The following PRMT1 variants were observed in gnomAD, a reference collection of about 807,000 sequenced individuals.
The protein encoded by PRMT1 is protein arginine N-methyltransferase 1.
Under a neutral mutation model 47.4 loss-of-function variants are expected in PRMT1, and 5 were observed. The ratio of observed to expected loss-of-function variants is 0.11; its 90% CI spans 0.06 to 0.22. The LOEUF (loss-of-function observed/expected upper bound fraction) is 0.22, where lower values mean the gene tolerates loss of function less well. Among genes scored for constraint, PRMT1 ranks in the 10% least tolerant of loss-of-function variants. PRMT1 has a pLI of 1.00. For synonymous variants in PRMT1, 227 were observed against 204.6 expected, an observed-to-expected ratio of 1.11 and a Z score of -0.94; for missense variants, 249 against 518.4, an observed-to-expected ratio of 0.48 and a Z score of 5.05.
Position 49,684,109 on chromosome 19 carries a change from G to A in PRMT1, c.555+40G>A, listed in dbSNP as rs757797578. 70 of 1,610,478 alleles carry A rather than the reference G, an allele frequency of 4.3e-5. No homozygotes were observed. Among genetic ancestry groups the A allele is most frequent in the Non-Finnish European group, 5.7e-5 (67 of 1,177,498 alleles). On this transcript the variant is annotated intron_variant, in intron 6 of 10. Coordinates refer to ENST00000454376, the MANE Select transcript of PRMT1 (RefSeq NM_001536.6). This position sits in a 1 kb window ranked among gnomAD's most constrained non-coding sequence, Gnocchi z 6.2. Reference sequence around the variant, plus strand: ...GGACGGGTGCAGCTCGCGTGGGCTGGGGTCCAGGTAGAAGACGAAAACCAC... The same window carrying A: ...GGACGGGTGCAGCTCGCGTGGGCTGAGGTCCAGGTAGAAGACGAAAACCAC...
In PRMT1 at chr19:49,684,627, G is replaced by A. The variant is rs1344077200; in HGVS notation, c.556-127G>A. 11 of 1,098,682 alleles carry A rather than the reference G, an allele frequency of 1.0e-5. No individual in the cohort carries two copies. Among genetic ancestry groups the A allele is most frequent in the Non-Finnish European group, 1.4e-5 (11 of 759,820 alleles). The allele number at this position is 1,098,682 out of a possible 1,614,324, so 68.1% of individuals were successfully genotyped here. On this transcript the variant is annotated intron_variant, in intron 6 of 10. Transcript: ENST00000454376. The surrounding 1 kb of genome is among the most constrained non-coding windows in gnomAD (Gnocchi z 6.2). ...GGCCGTGTGGGAAATAGACCAGGGG[G>A]CGAGGGGTGAGTGCCGCTGCGACAT...
chr19:49,676,562 C>A (rs748880749), upstream of PRMT1: 9 of 152,252 alleles, frequency 5.9e-5, no homozygotes, highest in African/African-American at 1.7e-4. Context: ...TGACGACGGA[C>A]TCCTATTCCT....
chr19:49,685,334 C>A lies in PRMT1; in HGVS notation c.759+297C>A, dbSNP rs184272317. On this transcript the variant is annotated intron_variant, in intron 8 of 10. Transcript: ENST00000454376. This position sits in a 1 kb window ranked among gnomAD's most constrained non-coding sequence, Gnocchi z 4.7. ...AAAGGCAGGACCCCAGGGCGATGAG[C>A]GGATGCACATGCACGCGGGCCACTG... The A allele has an allele frequency of 9.0e-6, 12 of 1,326,788 alleles. No homozygotes were observed. In the Admixed American group the frequency reaches 3.7e-4, roughly 41 times the overall value. The allele number at this position is 1,326,788 out of a possible 1,614,324, so 82.2% of individuals were successfully genotyped here.
In PRMT1 at chr19:49,681,305, T is replaced by A. The variant is rs2082115229; in HGVS notation, c.193-605T>A. ...ATCAAGTGATCCTCCGGCTTTGGCC[T>A]CCTGAGGTGCTGGGATTACAGGCGT... On this transcript the variant is annotated intron_variant, in intron 3 of 10. Transcript: ENST00000454376. This position sits in a 1 kb window ranked among gnomAD's most constrained non-coding sequence, Gnocchi z 4.4. 6.6e-6 allele frequency among the ~76,000 whole-genome samples: 1 copy of A among 152,202 alleles called. No homozygotes were observed. The highest frequency in any genetic ancestry group is 2.1e-4 in the South Asian group (1 of 4,834).
rs755095084 is a variant in PRMT1, at chr19:49,685,046, G to T, written c.759+9G>T. Reference sequence around the variant, plus strand: ...ACGCCTGCCTCATAAAGGTGAGGGGGTGGGCATGGCCAGGTGCCCCCTGGG... The same window carrying T: ...ACGCCTGCCTCATAAAGGTGAGGGGTTGGGCATGGCCAGGTGCCCCCTGGG... On this transcript the variant is annotated intron_variant, in intron 8 of 10. Coordinates refer to ENST00000454376, the MANE Select transcript of PRMT1 (RefSeq NM_001536.6). The surrounding 1 kb of genome is among the most constrained non-coding windows in gnomAD (Gnocchi z 4.7). The T allele has an allele frequency of 6.2e-7, 1 of 1,613,986 alleles. No individual in the cohort carries two copies. Among genetic ancestry groups the T allele is most frequent in the Non-Finnish European group, 8.5e-7 (1 of 1,180,000 alleles).
In PRMT1 at chr19:49,686,715, G is replaced by T. The variant is rs1599951233; in HGVS notation, c.1021G>T (p.Ala341Ser). Residue 341 changes from alanine (A) to serine (S), a missense_variant, in exon 10 of 11, where the codon GCC (alanine) becomes TCC (serine). Ala to Ser is a moderately conservative substitution (Grantham distance 99). Around this residue, in one of 2 missense-constraint regions of PRMT1, gnomAD observed 190 missense variants for 456.7 expected, o/e 0.42. Transcript: ENST00000454376. The stretch of plus-strand genomic sequence containing the variant: ...CGGCACCATCGGCATGCGGCCCAAC[G>T]CCAAGAACAACGTGAGGCTCCGGGC... ...IFGTIGMRPN[A>S]KNNRDLDFTI... 3.8e-6 allele frequency: 6 copies of T among 1,598,202 alleles called. No homozygotes were observed. The highest frequency in any genetic ancestry group is 4.3e-6 in the Non-Finnish European group (5 of 1,170,840).
In PRMT1 at chr19:49,688,069, G is replaced by C. The variant is rs1266869096; in HGVS notation, c.1033-93G>C. ...CAGCGTGGAGATGGGCAGGAAGCTG[G>C]AGCCCGGCTCATCGTCGCATAGCCT... On this transcript the variant is annotated intron_variant, in intron 10 of 10. Coordinates refer to ENST00000454376, the MANE Select transcript of PRMT1 (RefSeq NM_001536.6). The surrounding 1 kb of genome is among the most constrained non-coding windows in gnomAD (Gnocchi z 5.3). 1.5e-5 allele frequency: 17 copies of C among 1,127,434 alleles called. No homozygotes were observed. Among genetic ancestry groups the C allele is most frequent in the Non-Finnish European group, 2.3e-5 (17 of 737,564 alleles). The allele number at this position is 1,127,434 out of a possible 1,614,324, so 69.8% of individuals were successfully genotyped here. A position where few individuals can be genotyped will look rare whatever the true frequency, so the allele number is the denominator to read the frequency against.
At position 49,684,653 on chromosome 19, in the gene PRMT1, G is replaced by T. The variant is rs2082177642; in HGVS notation, c.556-101G>T. On this transcript the variant is annotated intron_variant, in intron 6 of 10. Coordinates refer to ENST00000454376, the MANE Select transcript of PRMT1 (RefSeq NM_001536.6). This position sits in a 1 kb window ranked among gnomAD's most constrained non-coding sequence, Gnocchi z 6.2. ...CGAGGGGTGAGTGCCGCTGCGACAT[G>T]AGGGTGGCCCAGACCAGGGCAGGAG... 2 of 1,313,512 alleles carry T rather than the reference G, an allele frequency of 1.5e-6. No individual in the cohort carries two copies. Among genetic ancestry groups the T allele is most frequent in the South Asian group, 2.6e-5 (2 of 78,018 alleles). The allele number at this position is 1,313,512 out of a possible 1,614,324, so 81.4% of individuals were successfully genotyped here.
At position 49,685,739 on chromosome 19, in the gene PRMT1, G is replaced by A; in HGVS notation, c.760-354G>A. 1 of 1,079,504 alleles carries A rather than the reference G, an allele frequency of 9.3e-7. No homozygotes were observed. Among genetic ancestry groups the A allele is most frequent in the African/African-American group, 1.7e-5 (1 of 60,056 alleles). 66.9% of individuals were successfully genotyped at this position (1,079,504 alleles called of 1,614,324 possible). A position where few individuals can be genotyped will look rare whatever the true frequency, so the allele number is the denominator to read the frequency against. ...GGGGAACTGGCGCAGGGTTTAGGTT[G>A]GCATTTGTGTTGCCGTTTGAAGCCA... is the stretch of plus-strand genomic sequence containing the variant. On this transcript the variant is annotated intron_variant, in intron 8 of 10. Coordinates refer to ENST00000454376, the MANE Select transcript of PRMT1 (RefSeq NM_001536.6). The surrounding 1 kb of genome is among the most constrained non-coding windows in gnomAD (Gnocchi z 4.7).
intron 5 of PRMT1, among the ~76,000 whole-genome samples, chr19:49,683,450 A>G (rs1055942484): frequency 1.3e-4 from 20 of 151,884 alleles, no homozygotes; most frequent in Non-Finnish European, 2.4e-4. Flanking sequence ...ACATTTTGGG[A>G]GGCCGAGGCG....
In PRMT1 at chr19:49,684,850, G is replaced by A. The variant is rs200680168; in HGVS notation, c.643+9G>A. Reference sequence around the variant, plus strand: ...AGACTACAAGATCCACTGTGAGCGCGGCCCGGGAGCTGGCGGGCGGGGCCT... The same window carrying A: ...AGACTACAAGATCCACTGTGAGCGCAGCCCGGGAGCTGGCGGGCGGGGCCT... On this transcript the variant is annotated intron_variant, in intron 7 of 10. Coordinates refer to ENST00000454376, the MANE Select transcript of PRMT1 (RefSeq NM_001536.6). This position sits in a 1 kb window ranked among gnomAD's most constrained non-coding sequence, Gnocchi z 6.2. 1.0e-3 allele frequency: 1,612 copies of A among 1,612,176 alleles called. 2 individuals are homozygous for A. The highest frequency in any genetic ancestry group is 9.6e-4 in the Non-Finnish European group (1,126 of 1,178,868).
In PRMT1 at chr19:49,684,412, G is replaced by T; in HGVS notation, c.556-342G>T. Among the ~76,000 whole-genome samples the T allele has an allele frequency of 6.6e-6, 1 of 152,226 alleles. No homozygotes were observed. The highest frequency in any genetic ancestry group is 2.4e-5 in the African/African-American group (1 of 41,550). ...TGCGTGTGGAACAGCAGGGAGGCCC[G>T]TGTGGAAGGAGGGTCTAGAACGGCA... is the stretch of plus-strand genomic sequence containing the variant. On this transcript the variant is annotated intron_variant, in intron 6 of 10. Coordinates refer to ENST00000454376, the MANE Select transcript of PRMT1 (RefSeq NM_001536.6). The surrounding 1 kb of genome is among the most constrained non-coding windows in gnomAD (Gnocchi z 6.2).
In PRMT1 at chr19:49,680,413, G is replaced by A. The variant is rs1347743329; in HGVS notation, c.91-74G>A. ...GTTCTATACTACTCTTCAGGGAAAA[G>A]TAGGGCGCTGGAGGTTTAAGAGGCT... is the stretch of plus-strand genomic sequence containing the variant. On this transcript the variant is annotated intron_variant, in intron 2 of 10. Transcript: ENST00000454376. The surrounding 1 kb of genome is among the most constrained non-coding windows in gnomAD (Gnocchi z 4.2). 2.3e-6 allele frequency: 3 copies of A among 1,298,914 alleles called. No homozygotes were observed. Among genetic ancestry groups the A allele is most frequent in the Non-Finnish European group, 3.3e-6 (3 of 895,806 alleles). 80.5% of individuals were successfully genotyped at this position (1,298,914 alleles called of 1,614,324 possible).
Position 49,685,859 on chromosome 19 carries a change from G to C in PRMT1, c.760-234G>C. ...GACAGAGTTAGGGTGGCACTGCCAG[G>C]TTTGGGTGTTGGAGAGGAGGGAGCA... On this transcript the variant is annotated intron_variant, in intron 8 of 10. Transcript: ENST00000454376. This position sits in a 1 kb window ranked among gnomAD's most constrained non-coding sequence, Gnocchi z 4.7. The C allele has an allele frequency of 1.5e-6, 2 of 1,379,264 alleles. No individual in the cohort carries two copies. Among genetic ancestry groups the C allele is most frequent in the South Asian group, 1.6e-5 (1 of 62,710 alleles). 85.4% of individuals were successfully genotyped at this position (1,379,264 alleles called of 1,614,324 possible).
chr19:49,685,318 AC>A lies in PRMT1; in HGVS notation c.759+285del. 2 of 1,357,942 alleles carry A rather than the reference AC, an allele frequency of 1.5e-6. No homozygotes were observed. Among genetic ancestry groups the A allele is most frequent in the Non-Finnish European group, 1.9e-6 (2 of 1,049,062 alleles). The allele number at this position is 1,357,942 out of a possible 1,614,324, so 84.1% of individuals were successfully genotyped here. A position where few individuals can be genotyped will look rare whatever the true frequency, so the allele number is the denominator to read the frequency against. ...CACAGCCCATGCACGGAAAGGCAGG[AC>A]CCCAGGGCGATGAGCGGATGCACAT... On this transcript the variant is annotated intron_variant, in intron 8 of 10. Coordinates refer to ENST00000454376, the MANE Select transcript of PRMT1 (RefSeq NM_001536.6). This position sits in a 1 kb window ranked among gnomAD's most constrained non-coding sequence, Gnocchi z 4.7.
rs1272237950 is a variant in PRMT1 at position 49,685,118 on chromosome 19, G to A, written c.759+81G>A. On this transcript the variant is annotated intron_variant, in intron 8 of 10. Coordinates refer to ENST00000454376, the MANE Select transcript of PRMT1 (RefSeq NM_001536.6). The surrounding 1 kb of genome is among the most constrained non-coding windows in gnomAD (Gnocchi z 4.7). ...CACCTGGCCCTGGCATGGGACTTTG[G>A]GGCCCAGAATGTTGGCCTGAGGTCT... 6.9e-6 allele frequency: 11 copies of A among 1,593,354 alleles called. No individual in the cohort carries two copies. Among genetic ancestry groups the A allele is most frequent in the Non-Finnish European group, 9.4e-6 (11 of 1,169,854 alleles).
In PRMT1 at chr19:49,685,619, G is replaced by A. The variant is rs567121645; in HGVS notation, c.760-474G>A. 280 of 1,015,518 alleles carry A rather than the reference G, an allele frequency of 2.8e-4. 3 individuals carry two copies. In the South Asian group the frequency reaches 8.8e-3, roughly 32 times the overall value. 62.9% of individuals were successfully genotyped at this position (1,015,518 alleles called of 1,614,324 possible). On this transcript the variant is annotated intron_variant, in intron 8 of 10. Transcript: ENST00000454376. This position sits in a 1 kb window ranked among gnomAD's most constrained non-coding sequence, Gnocchi z 4.7. ...GCCGGGTGAAGCTGGGTGGCTGACC[G>A]GGGGATCCTGTCGGGGAGGAGTAAG...
At chr19:49,677,152 A>T, upstream of PRMT1, 1 of 869,422 alleles carries the variant, frequency 1.2e-6, no homozygotes, top group Non-Finnish European at 1.6e-6. Context: ...GGCCGCCTCC[A>T]TTGCCAATGA....
At chr19:49,678,663 C>T (rs2082071953) in intron 1 of PRMT1, among the ~76,000 whole-genome samples, 1 of 152,110 alleles carries the variant, frequency 6.6e-6, no homozygotes. Flanking sequence ...TTACCTATGG[C>T]ATTGGCTGGA....
Sources: allele counts gnomAD v4.1 joint callset (sites outside exome capture counted in the v4.1 genomes callset), GRCh38; gene constraint gnomAD v4.1.1; regional missense constraint gnomAD v4.1.1; non-coding constraint Gnocchi (gnomAD v3.1); transcripts MANE v1.5; gene names NCBI Gene and HGNC (gene_info 2026-07-23, HGNC 2026-07-21).